The following GRM8 variants were observed in gnomAD, a reference collection of about 807,000 sequenced individuals.
The protein encoded by GRM8 is glutamate metabotropic receptor 8.
A neutral mutation model predicts 87.2 loss-of-function variants in GRM8; 47 were observed. The observed-to-expected ratio is 0.54, with a 90% CI of 0.43 to 0.69. GRM8 has a LOEUF of 0.69. Among genes scored for constraint, GRM8 ranks in the 30% least tolerant of loss-of-function variants. GRM8 has a pLI of 0.00. For synonymous variants in GRM8, 396 were observed against 404.5 expected, an observed-to-expected ratio of 0.98 and a Z score of 0.25; for missense variants, 1,019 against 1,139.2, an observed-to-expected ratio of 0.89 and a Z score of 1.52.
chr7:126,852,521 A>C lies in GRM8; in HGVS notation c.1156+50021T>G, dbSNP rs979878657. Among the ~76,000 whole-genome samples the C allele has an allele frequency of 3.3e-5, 5 of 152,346 alleles. No individual in the cohort carries two copies. The Middle Eastern group carries it at 0.014, about 415-fold the overall frequency. ...CTAATTAAATTATCCTAGTCCTAAC[A>C]AAAGGAATAAATGAAAAGAAAGAGC... On this transcript the variant is annotated intron_variant, in intron 6 of 10. Coordinates refer to ENST00000339582, the MANE Select transcript of GRM8 (RefSeq NM_000845.3).
intron 3 of GRM8, among the ~76,000 whole-genome samples, chr7:126,996,648 G>T (rs1813204704): frequency 6.6e-6 from 1 of 151,960 alleles, no homozygotes; most frequent in Non-Finnish European, 1.5e-5. Context: ...AGTAGCTACA[G>T]TTATATCTCA....
chr7:126,483,194 C>G (rs970858355), intron 9 of GRM8, among the ~76,000 whole-genome samples: 4 of 149,988 alleles, frequency 2.7e-5, no homozygotes, highest in Non-Finnish European at 5.9e-5. Context: ...CTTCCTTCAT[C>G]ATGATGCATT....
chr7:127,007,618 T>G (rs187691620), intron 3 of GRM8, among the ~76,000 whole-genome samples: 1 of 152,248 alleles, frequency 6.6e-6, no homozygotes, highest in African/African-American at 2.4e-5. Flanking sequence ...ATTTTTCGCA[T>G]TTTTTGAAAG....
At chr7:126,510,521 T>C (rs907537647) in intron 9 of GRM8, among the ~76,000 whole-genome samples, 1 of 152,024 alleles carries the variant, frequency 6.6e-6, no homozygotes, top group African/African-American at 2.4e-5. Context: ...CCAGAATATC[T>C]GAAGGACTTT....
At chr7:126,916,953 T>C (rs542089461) in intron 3 of GRM8, among the ~76,000 whole-genome samples, 2 of 152,332 alleles carry the variant, frequency 1.3e-5, no homozygotes, top group East Asian at 1.9e-4. Flanking sequence ...ATGTGTTTAG[T>C]ACATAAAAAG....
intron 8 of GRM8, among the ~76,000 whole-genome samples, chr7:126,605,006 T>A (rs1183738753): frequency 1.3e-5 from 2 of 152,196 alleles, no homozygotes; most frequent in African/African-American, 4.8e-5. Context: ...AATAATATGT[T>A]GAAACCAATA....
chr7:127,234,195 A>C (rs577050862), intron 2 of GRM8, among the ~76,000 whole-genome samples: 3 of 152,340 alleles, frequency 2.0e-5, no homozygotes, highest in Non-Finnish European at 4.4e-5. Flanking sequence ...TAGCTGAGAC[A>C]AATCATAGCC....
chr7:126,498,033 T>C (rs565502045), intron 9 of GRM8, among the ~76,000 whole-genome samples: 19 of 151,912 alleles, frequency 1.3e-4, no homozygotes, highest in African/African-American at 4.3e-4. Context: ...CCCTGAAATA[T>C]CTCCTAGAGA....
chr7:127,226,778 C>G (rs779267524), intron 2 of GRM8, among the ~76,000 whole-genome samples: 19 of 152,350 alleles, frequency 1.2e-4, no homozygotes, highest in Non-Finnish European at 2.5e-4. Flanking sequence ...CAATGCAGGG[C>G]TCATGTTCCA....
chr7:127,129,862 C>T (rs999289963), intron 2 of GRM8, among the ~76,000 whole-genome samples: 28 of 152,152 alleles, frequency 1.8e-4, no homozygotes, highest in African/African-American at 6.8e-4. Flanking sequence ...ATCTCTGAGT[C>T]ATTTCTCAGT....
At chr7:126,794,494 C>T (rs1821744897) in intron 6 of GRM8, among the ~76,000 whole-genome samples, 1 of 152,128 alleles carries the variant, frequency 6.6e-6, no homozygotes, top group African/African-American at 2.4e-5. Flanking sequence ...TAGCAAACAA[C>T]AGGACACAAT....
chr7:127,004,832 C>T (rs1004624776), intron 3 of GRM8, among the ~76,000 whole-genome samples: 13 of 151,152 alleles, frequency 8.6e-5, no homozygotes, highest in Non-Finnish European at 1.5e-4. Flanking sequence ...TTATAATGAA[C>T]ATATGTTACT....
intron 3 of GRM8, among the ~76,000 whole-genome samples, chr7:126,952,536 G>C (rs1586577742): frequency 6.6e-6 from 1 of 152,116 alleles, no homozygotes; most frequent in Non-Finnish European, 1.5e-5. Flanking sequence ...TTAACAGTAG[G>C]AGAAAAGATA....
chr7:126,919,165 C>T (rs1020897245), intron 3 of GRM8, among the ~76,000 whole-genome samples: 12 of 152,156 alleles, frequency 7.9e-5, no homozygotes, highest in African/African-American at 2.9e-4. Flanking sequence ...CTCTTCTCAT[C>T]CCTGCAGTGG....
chr7:127,230,598 G>T (rs752219750), intron 2 of GRM8, among the ~76,000 whole-genome samples: 1 of 152,108 alleles, frequency 6.6e-6, no homozygotes, highest in Non-Finnish European at 1.5e-5. Context: ...CATTGTGATG[G>T]TATTTAAAGA....
At chr7:126,787,571 T>C (rs1328064285) in intron 6 of GRM8, among the ~76,000 whole-genome samples, 1 of 152,190 alleles carries the variant, frequency 6.6e-6, no homozygotes, top group Non-Finnish European at 1.5e-5. Flanking sequence ...ATCAATTCTT[T>C]CTCAACCTAT....
chr7:126,566,289 A>C (rs1234007973), intron 8 of GRM8, among the ~76,000 whole-genome samples: 1 of 152,236 alleles, frequency 6.6e-6, no homozygotes, highest in African/African-American at 2.4e-5. Flanking sequence ...AGAATGAGTT[A>C]GTTTTCAAAA....
chr7:126,723,555 C>CA (rs5887305), intron 7 of GRM8, among the ~76,000 whole-genome samples: 24 of 146,028 alleles, frequency 1.6e-4, no homozygotes, highest in South Asian at 1.6e-3. Context: ...AGAGGCGAAC[C>CA]AAAAAAAAAA....
At chr7:127,057,631 G>A (rs6467109) in intron 3 of GRM8, among the ~76,000 whole-genome samples, 12,152 of 152,010 alleles carry the variant, frequency 0.08, 529 homozygotes, top group South Asian at 0.13. Flanking sequence ...CAAGATTATT[G>A]TTATAAAATG....
Sources: allele counts gnomAD v4.1 joint callset (sites outside exome capture counted in the v4.1 genomes callset), GRCh38; gene constraint gnomAD v4.1.1; transcripts MANE v1.5; gene names NCBI Gene and HGNC (gene_info 2026-07-23, HGNC 2026-07-21).